The following SERGEF variants were observed in gnomAD, a reference collection of about 807,000 sequenced individuals.
SERGEF encodes the protein secretion regulating guanine nucleotide exchange factor, also known as secretion-regulating guanine nucleotide exchange factor.
Under a neutral mutation model 50.0 loss-of-function variants are expected in SERGEF, and 51 were observed. The observed-to-expected ratio is 1.02, with a 90% CI of 0.81 to 1.29. The LOEUF (loss-of-function observed/expected upper bound fraction) is 1.29, where lower values mean the gene tolerates loss of function less well. Ranked by LOEUF, SERGEF falls within the 50% of genes most tolerant of loss-of-function variation. The pLI, the probability that SERGEF is intolerant of heterozygous loss-of-function variation, is 0.00. For synonymous variants in SERGEF, 205 were observed against 212.4 expected (o/e 0.97, Z 0.30); for missense variants, 521 against 557.0 (o/e 0.94, Z 0.65).
At chr11:17,868,462 A>G (rs1310453249) in intron 10 of SERGEF, among the ~76,000 whole-genome samples, 1 of 152,028 alleles carries the variant, frequency 6.6e-6, no homozygotes, top group Non-Finnish European at 1.5e-5. Context: ...CAGTATTTTG[A>G]TCAAAGTCAC....
intron 9 of SERGEF, among the ~76,000 whole-genome samples, chr11:17,931,900 A>G (rs948289533): frequency 6.6e-6 from 1 of 152,204 alleles, no homozygotes; most frequent in African/African-American, 2.4e-5. Flanking sequence ...ATTCTGATGC[A>G]TGCTGAGGTT....
chr11:17,886,783 GCAGT>G (rs1000147278), intron 9 of SERGEF, among the ~76,000 whole-genome samples: 10 of 152,198 alleles, frequency 6.6e-5, no homozygotes, highest in African/African-American at 1.9e-4. Flanking sequence ...AACTAGCCAG[GCAGT>G]CAGACTGCTT....
At chr11:18,006,249 C>T (rs1012087006) in intron 3 of SERGEF, among the ~76,000 whole-genome samples, 2 of 152,226 alleles carry the variant, frequency 1.3e-5, no homozygotes, top group African/African-American at 4.8e-5. Flanking sequence ...ACCTCCACCT[C>T]CCAGGATCAA....
At chr11:17,833,290 G>A (rs1026335758) in intron 10 of SERGEF, among the ~76,000 whole-genome samples, 1 of 152,234 alleles carries the variant, frequency 6.6e-6, no homozygotes, top group African/African-American at 2.4e-5. Context: ...AACCTTGGCA[G>A]CTTCCACATG....
intron 8 of SERGEF, among the ~76,000 whole-genome samples, chr11:17,961,774 G>GTC (rs1238968558): frequency 6.6e-6 from 1 of 152,186 alleles, no homozygotes; most frequent in Non-Finnish European, 1.5e-5. Context: ...TTAACGTTCA[G>GTC]TCTTTAGTCT....
At chr11:17,921,836 C>A (rs1305188480) in intron 9 of SERGEF, among the ~76,000 whole-genome samples, 1 of 152,184 alleles carries the variant, frequency 6.6e-6, no homozygotes, top group Non-Finnish European at 1.5e-5. Context: ...GTAATTAGAA[C>A]CAGCCTAGAA....
intron 10 of SERGEF, among the ~76,000 whole-genome samples, chr11:17,858,168 A>C (rs1850860286): frequency 6.6e-6 from 1 of 152,212 alleles, no homozygotes; most frequent in African/African-American, 2.4e-5. Flanking sequence ...CTGAAAGTAT[A>C]TTTATGGGGG....
In SERGEF at chr11:17,926,268, A is replaced by G. The variant is rs373505374; in HGVS notation, c.1011+33202T>C. Among the ~76,000 whole-genome samples, 13 of 152,096 alleles carry G rather than the reference A, an allele frequency of 8.5e-5. No homozygotes were observed. The East Asian group carries it at 1.7e-3, about 20-fold the overall frequency. ...AGAGGCCCTGAGACATGTTAGTACA[A>G]ATGATGATGGGGAGAGGAGCCTCTG... On this transcript the variant is annotated intron_variant, in intron 9 of 10. Transcript: ENST00000265965.
chr11:17,839,024 G>C (rs1271879219), intron 10 of SERGEF, among the ~76,000 whole-genome samples: 1 of 152,214 alleles, frequency 6.6e-6, no homozygotes. Flanking sequence ...GCCCTACAGA[G>C]CCCACAGGGA....
chr11:17,845,913 C>T (rs571342873), intron 10 of SERGEF, among the ~76,000 whole-genome samples: 2 of 152,204 alleles, frequency 1.3e-5, no homozygotes, highest in African/African-American at 4.8e-5. Context: ...CAGGAACTAT[C>T]TGTCTTGTTC....
chr11:17,935,261 T>G (rs1478380174), intron 9 of SERGEF, among the ~76,000 whole-genome samples: 1 of 152,218 alleles, frequency 6.6e-6, no homozygotes, highest in Non-Finnish European at 1.5e-5. Flanking sequence ...GGAGGATTGC[T>G]TGAGGCCAGT....
chr11:17,972,168 G>A (rs1053996378), intron 8 of SERGEF, among the ~76,000 whole-genome samples: 1 of 152,240 alleles, frequency 6.6e-6, no homozygotes, highest in Non-Finnish European at 1.5e-5. Flanking sequence ...CTGTTGAAAT[G>A]CTAACAAAAG....
intron 9 of SERGEF, among the ~76,000 whole-genome samples, chr11:17,949,754 G>C (rs944710068): frequency 6.6e-6 from 1 of 152,170 alleles, no homozygotes; most frequent in Non-Finnish European, 1.5e-5. Flanking sequence ...GGGTGGAAAA[G>C]TGCTTCAGGG....
At chr11:17,812,432 A>C (rs769151963) in intron 10 of SERGEF, among the ~76,000 whole-genome samples, 1 of 152,162 alleles carries the variant, frequency 6.6e-6, no homozygotes, top group Non-Finnish European at 1.5e-5. Flanking sequence ...CATTGCATCA[A>C]ATCTGACAAG....
chr11:18,003,920 T>A (rs1026580688), intron 4 of SERGEF, among the ~76,000 whole-genome samples: 2 of 152,180 alleles, frequency 1.3e-5, no homozygotes, highest in African/African-American at 4.8e-5. Flanking sequence ...TGGATATACA[T>A]TTTAAAGGGG....
chr11:17,971,572 A>T (rs1187734986), intron 8 of SERGEF, among the ~76,000 whole-genome samples: 1 of 152,174 alleles, frequency 6.6e-6, no homozygotes, highest in Non-Finnish European at 1.5e-5. Flanking sequence ...CACTGTTGAG[A>T]CCTACTGCTC....
intron 10 of SERGEF, among the ~76,000 whole-genome samples, chr11:17,791,549 T>C (rs912236076): frequency 1.4e-4 from 22 of 152,260 alleles, no homozygotes; most frequent in Admixed American, 1.1e-3. Context: ...ACAATGTTTA[T>C]CAGATATTTA....
chr11:17,844,192 A>G (rs1850558267), intron 10 of SERGEF, among the ~76,000 whole-genome samples: 1 of 152,214 alleles, frequency 6.6e-6, no homozygotes, highest in Admixed American at 6.5e-5. Context: ...TATCCAATTC[A>G]CAGTCAAATG....
At chr11:17,855,617 C>T (rs1196588108) in intron 10 of SERGEF, 1 of 152,194 alleles carries the variant, frequency 6.6e-6, no homozygotes, top group Non-Finnish European at 1.5e-5. Context: ...CATGAGATTT[C>T]ATCACGCTAC....
Sources: gnomAD v4.1 joint callset for allele counts (sites outside exome capture counted in the v4.1 genomes callset) on GRCh38, gnomAD v4.1.1 for gene constraint, MANE v1.5 for transcripts, NCBI Gene and HGNC (gene_info 2026-07-23, HGNC 2026-07-21) for gene names.